DST: variants seen among roughly 807,000 people sequenced by gnomAD.
The protein encoded by DST is dystonin, also known as bullous pemphigoid antigen.
Under a neutral mutation model 875.2 loss-of-function variants are expected in DST, and 253 were observed. The observed-to-expected ratio is 0.29, with a 90% confidence interval of 0.26 to 0.32. DST has a LOEUF of 0.32. Among genes scored for constraint, DST ranks in the 10% least tolerant of loss-of-function variants. The pLI is 1.00. For synonymous variants in DST, 3,124 were observed against 3,197.1 expected (o/e 0.98, Z 0.77); for missense variants, 8,287 against 9,111.6 (o/e 0.91, Z 3.68).
At chr6:56,931,323 C>T (rs563162781) in intron 2 of DST, among the ~76,000 whole-genome samples, 14 of 152,250 alleles carry the variant, frequency 9.2e-5, no homozygotes, top group Non-Finnish European at 1.8e-4. Context: ...GAATCTCCGC[C>T]TAGATTTCAG....
chr6:56,486,165 C>A (rs952391075), intron 87 of DST, among the ~76,000 whole-genome samples: 9 of 151,956 alleles, frequency 5.9e-5, no homozygotes, highest in African/African-American at 1.7e-4. Flanking sequence ...AGATCGAGAC[C>A]ATCCCGGCTA....
chr6:56,589,970 T>C (rs1195207839), intron 49 of DST, among the ~76,000 whole-genome samples: 1 of 152,232 alleles, frequency 6.6e-6, no homozygotes, highest in Non-Finnish European at 1.5e-5. Flanking sequence ...TGGGTTTATA[T>C]TATTGTTAAA....
At chr6:56,827,333 G>C (rs990413127) in intron 4 of DST, among the ~76,000 whole-genome samples, 3 of 152,004 alleles carry the variant, frequency 2.0e-5, no homozygotes, top group African/African-American at 7.2e-5. Flanking sequence ...GACCAACATG[G>C]TGAAACCCCG....
At chr6:56,874,355 G>A (rs1460210064) in intron 3 of DST, among the ~76,000 whole-genome samples, 1 of 152,024 alleles carries the variant, frequency 6.6e-6, no homozygotes, top group Non-Finnish European at 1.5e-5. Context: ...AAAATCAATA[G>A]ATAAAACTTA....
chr6:56,819,337 T>G (rs1475023046), intron 4 of DST, among the ~76,000 whole-genome samples: 1 of 152,164 alleles, frequency 6.6e-6, no homozygotes, highest in East Asian at 1.9e-4. Flanking sequence ...CAACAAGGTT[T>G]GTAGATAAAA....
At chr6:56,580,526 G>T (rs2097954151) in intron 49 of DST, among the ~76,000 whole-genome samples, 1 of 151,614 alleles carries the variant, frequency 6.6e-6, no homozygotes, top group Admixed American at 6.6e-5. Context: ...ATTCCAGCCT[G>T]GGTGACAGAG....
chr6:56,717,107 C>T (rs949990165), intron 5 of DST, among the ~76,000 whole-genome samples: 12 of 151,982 alleles, frequency 7.9e-5, no homozygotes, highest in South Asian at 2.1e-4. Context: ...GGCGTGAACC[C>T]GGTAGGCAGA....
intron 2 of DST, among the ~76,000 whole-genome samples, chr6:56,943,842 C>A (rs1351501711): frequency 6.6e-6 from 1 of 152,122 alleles, no homozygotes; most frequent in African/African-American, 2.4e-5. Context: ...CGGGGCCAGG[C>A]AGAGTGGCTC....
At chr6:56,503,927 G>T in intron 78 of DST, 70 bp downstream of exon 78, 1 of 1,040,920 alleles carries the variant, frequency 9.6e-7, no homozygotes, top group Non-Finnish European at 1.4e-6. Flanking sequence ...ATAAATTTAT[G>T]TACAAAATTA....
intron 12 of DST, among the ~76,000 whole-genome samples, chr6:56,649,565 T>C (rs1213314553): frequency 6.7e-6 from 1 of 148,258 alleles, no homozygotes; most frequent in Non-Finnish European, 1.5e-5. Flanking sequence ...GACCAGTAAG[T>C]AATTATTGAT....
chr6:56,824,661 C>G (rs937274775), intron 4 of DST, among the ~76,000 whole-genome samples: 1 of 151,642 alleles, frequency 6.6e-6, no homozygotes, highest in African/African-American at 2.4e-5. Flanking sequence ...GGCCGCGACC[C>G]CGTCTGGGAG....
intron 58 of DST, among the ~76,000 whole-genome samples, chr6:56,559,179 A>G (rs191242691): frequency 6.6e-6 from 1 of 152,280 alleles, no homozygotes; most frequent in East Asian, 1.9e-4. Context: ...GCAACAAAAT[A>G]ATGCCATTAA....
intron 47 of DST, among the ~76,000 whole-genome samples, chr6:56,595,609 T>C (rs2098361855): frequency 6.6e-6 from 1 of 152,300 alleles, no homozygotes; most frequent in Non-Finnish European, 1.5e-5. Context: ...GGGGCAGCCG[T>C]TCACTTGTAA....
chr6:56,924,552 T>A (rs1049201128), intron 2 of DST, among the ~76,000 whole-genome samples: 1 of 152,214 alleles, frequency 6.6e-6, no homozygotes, highest in African/African-American at 2.4e-5. Context: ...GAGCATGGTG[T>A]CTTGCCGATA....
intron 4 of DST, among the ~76,000 whole-genome samples, chr6:56,768,680 A>G (rs2099640984): frequency 6.6e-6 from 1 of 152,226 alleles, no homozygotes; most frequent in Non-Finnish European, 1.5e-5. Context: ...CCATAAAAGA[A>G]AAAACATAGG....
intron 82 of DST, 90 bp downstream of exon 82, chr6:56,497,289 C>T (rs975178062): frequency 6.9e-7 from 1 of 1,455,608 alleles, no homozygotes. Context: ...TCTTTAAAGC[C>T]TTCTCCCACG....
chr6:56,735,571 C>A (rs1218291385), intron 4 of DST, among the ~76,000 whole-genome samples: 1 of 151,866 alleles, frequency 6.6e-6, no homozygotes, highest in African/African-American at 2.4e-5. Flanking sequence ...ACCACCACCA[C>A]CATGAAGTTG....
chr6:56,503,590 TACATAC>T (rs2096209482), intron 78 of DST, among the ~76,000 whole-genome samples: 2 of 48,420 alleles, frequency 4.1e-5, no homozygotes, highest in African/African-American at 1.7e-4. Flanking sequence ...TCTCTACCTA[TACATAC>T]ACACACACAC....
intron 2 of DST, among the ~76,000 whole-genome samples, chr6:56,925,763 C>T (rs1047787791): frequency 6.6e-6 from 1 of 152,186 alleles, no homozygotes; most frequent in African/African-American, 2.4e-5. Flanking sequence ...CCTCAACCCC[C>T]TCAATTTAAT....
Sources: gnomAD v4.1 joint callset for allele counts (sites outside exome capture counted in the v4.1 genomes callset) on GRCh38, gnomAD v4.1.1 for gene constraint, MANE v1.5 for transcripts, NCBI Gene and HGNC (gene_info 2026-07-23, HGNC 2026-07-21) for gene names.